Variants in SRBD1 observed in about 807,000 individuals in gnomAD.
SRBD1 encodes S1 RNA-binding domain-containing protein 1.
Under a neutral mutation model 115.3 loss-of-function variants are expected in SRBD1, and 88 were observed. The ratio of observed to expected loss-of-function variants is 0.76; its 90% confidence interval spans 0.64 to 0.91. The LOEUF is 0.91. SRBD1 is among the 40% of genes least tolerant of loss of function. SRBD1 has a pLI of 0.00. For synonymous variants in SRBD1, 509 were observed against 407.7 expected (o/e 1.25, Z -2.99); for missense variants, 1,385 against 1,177.4 (o/e 1.18, Z -2.58).
chr2:45,410,423 C>T (rs1439102539), intron 19 of SRBD1, among the ~76,000 whole-genome samples: 1 of 152,182 alleles, frequency 6.6e-6, no homozygotes, highest in South Asian at 2.1e-4. Flanking sequence ...AACAAAAAAA[C>T]TGCGCAAGAA....
rs746207707 is a variant in SRBD1, at chr2:45,488,290, G to C, written c.1916C>G (p.Pro639Arg). 6 of 1,613,742 alleles carry C rather than the reference G, an allele frequency of 3.7e-6. No homozygotes were observed. The African/African-American group carries it at 8.0e-5, about 22-fold the overall frequency. Residue 639 changes from proline (P) to arginine (R), a missense_variant, in exon 15 of 21, where the codon CCT (proline) becomes CGT (arginine). Physicochemically the swap from Pro to Arg is moderately radical, Grantham distance 103. Transcript: ENST00000263736. The stretch of plus-strand genomic sequence containing the variant: ...CCCTGGCATCTCTTTGTTAGCTTCA[G>C]GGCTGACACTGTAGATTGATGCTCC... ...EAGASIYSVS[P>R]EANKEMPGLD... is the part of the protein sequence containing the mutation.
At chr2:45,423,159 A>G (rs928215913) in intron 16 of SRBD1, among the ~76,000 whole-genome samples, 6 of 152,216 alleles carry the variant, frequency 3.9e-5, no homozygotes, top group African/African-American at 1.4e-4. Flanking sequence ...ATTCTTGTAG[A>G]TGACAGTGTT....
chr2:45,429,404 TG>T (rs1435913373), intron 16 of SRBD1, among the ~76,000 whole-genome samples: 1 of 151,996 alleles, frequency 6.6e-6, no homozygotes, highest in African/African-American at 2.4e-5. Context: ...AATAAAATAC[TG>T]GCAAACTGAT....
At chr2:45,591,111 G>A (rs1290083201) in intron 4 of SRBD1, among the ~76,000 whole-genome samples, 1 of 152,090 alleles carries the variant, frequency 6.6e-6, no homozygotes, top group Non-Finnish European at 1.5e-5. Context: ...TCATGCAGCT[G>A]GAGGCTTCAG....
chr2:45,549,123 A>G (rs1188959284), intron 12 of SRBD1: 1 of 152,224 alleles, frequency 6.6e-6, no homozygotes, highest in Non-Finnish European at 1.5e-5. Context: ...CTAACTAGTA[A>G]AAGATACCTT....
intron 14 of SRBD1, among the ~76,000 whole-genome samples, chr2:45,500,252 T>G (rs199809017): frequency 2.7e-5 from 3 of 113,020 alleles, no homozygotes; most frequent in Non-Finnish European, 6.2e-5. Context: ...GTGTGTGTGT[T>G]TGGTTAAATT....
intron 16 of SRBD1, among the ~76,000 whole-genome samples, chr2:45,423,740 A>T (rs1668073520): frequency 6.6e-6 from 1 of 152,160 alleles, no homozygotes; most frequent in Non-Finnish European, 1.5e-5. Flanking sequence ...CCTCAAGAAG[A>T]AAGAAACCTA....
At chr2:45,591,596 G>A (rs892481379) in intron 4 of SRBD1, among the ~76,000 whole-genome samples, 10 of 152,114 alleles carry the variant, frequency 6.6e-5, no homozygotes, top group Non-Finnish European at 1.3e-4. Context: ...ATGGAAAGGT[G>A]GATGAGGCTA....
chr2:45,552,056 A>G (rs922357629), intron 11 of SRBD1, among the ~76,000 whole-genome samples: 2 of 152,220 alleles, frequency 1.3e-5, no homozygotes, highest in African/African-American at 4.8e-5. Flanking sequence ...AATAGATAGC[A>G]CTTTGTAACT....
intron 14 of SRBD1, among the ~76,000 whole-genome samples, chr2:45,500,915 G>A (rs950717925): frequency 6.6e-6 from 1 of 152,150 alleles, no homozygotes; most frequent in Admixed American, 6.5e-5. Flanking sequence ...CTCTGGCTAG[G>A]TCTATGTTGG....
intron 16 of SRBD1, among the ~76,000 whole-genome samples, chr2:45,441,212 C>T (rs1232093771): frequency 3.9e-5 from 6 of 152,154 alleles, no homozygotes; most frequent in Non-Finnish European, 7.4e-5. Context: ...GGTTTCCTTT[C>T]GCTTCCATGT....
At chr2:45,413,083 T>C in intron 19 of SRBD1, 31 bp downstream of exon 19, 1 of 1,595,656 alleles carries the variant, frequency 6.3e-7, no homozygotes, top group Non-Finnish European at 8.5e-7. Flanking sequence ...ACTCTGCATA[T>C]GGAGAATTCC....
chr2:45,406,277 G>C (rs1667434552), intron 19 of SRBD1, among the ~76,000 whole-genome samples: 1 of 152,076 alleles, frequency 6.6e-6, no homozygotes, highest in Non-Finnish European at 1.5e-5. Flanking sequence ...TAAAAATACA[G>C]AGACAATCTG....
rs557440043 is a variant in SRBD1, at chr2:45,599,927, G to A, written c.262-92C>T. 5.7e-5 allele frequency: 78 copies of A among 1,357,424 alleles called. No homozygotes were observed. The African/African-American group carries it at 1.1e-3, about 19-fold the overall frequency. The allele number at this position is 1,357,424 out of a possible 1,614,324, so 84.1% of individuals were successfully genotyped here. A position where few individuals can be genotyped will look rare whatever the true frequency, so the allele number is the denominator to read the frequency against. On this transcript the variant is annotated intron_variant, in intron 3 of 20. Coordinates refer to ENST00000263736, the MANE Select transcript of SRBD1 (RefSeq NM_018079.5). ...CACAAATAAAAGTGAACAAATTATTGATACACACAATAACTTGGAAGAATC... is the reference window on the plus strand; with the variant it reads ...CACAAATAAAAGTGAACAAATTATTAATACACACAATAACTTGGAAGAATC...
intron 6 of SRBD1, 40 bp downstream of exon 6, chr2:45,581,653 T>C (rs1403113854): frequency 6.0e-6 from 9 of 1,489,762 alleles, no homozygotes; most frequent in Non-Finnish European, 7.4e-6. Context: ...AATTGCAATA[T>C]ATTCAGGTAT....
chr2:45,542,538 C>A (rs1405791891), intron 14 of SRBD1, among the ~76,000 whole-genome samples: 1 of 152,246 alleles, frequency 6.6e-6, no homozygotes, highest in Admixed American at 6.5e-5. Flanking sequence ...GTCTTCCCAG[C>A]AGCTGCTCCA....
chr2:45,467,894 G>C (rs1313544996), intron 16 of SRBD1, among the ~76,000 whole-genome samples: 1 of 152,126 alleles, frequency 6.6e-6, no homozygotes, highest in Non-Finnish European at 1.5e-5. Context: ...AAGTTCCCGA[G>C]TTAAAGCATC....
In SRBD1 at chr2:45,546,394, T is replaced by C. The variant is rs547502647; in HGVS notation, c.1874+338A>G. 14 of 951,550 alleles carry C rather than the reference T, an allele frequency of 1.5e-5. 1 individual carries two copies. The South Asian group carries it at 5.9e-4, about 40-fold the overall frequency. 58.9% of individuals were successfully genotyped at this position (951,550 alleles called of 1,614,324 possible). A position where few individuals can be genotyped will look rare whatever the true frequency, so the allele number is the denominator to read the frequency against. Reference sequence around the variant, plus strand: ...GAAAAAGGCTAAGTTATTCACAGTCTACTAGCTGCTAGCCTGGTACATCAT... The same window carrying C: ...GAAAAAGGCTAAGTTATTCACAGTCCACTAGCTGCTAGCCTGGTACATCAT... On this transcript the variant is annotated intron_variant, in intron 14 of 20. Transcript: ENST00000263736.
intron 14 of SRBD1, among the ~76,000 whole-genome samples, chr2:45,539,228 A>C (rs1177522044): frequency 6.6e-6 from 1 of 151,988 alleles, no homozygotes; most frequent in Non-Finnish European, 1.5e-5. Flanking sequence ...GCAAGAAAGA[A>C]ATTTTTTTGC....
Sources: allele counts gnomAD v4.1 joint callset (sites outside exome capture counted in the v4.1 genomes callset), GRCh38; gene constraint gnomAD v4.1.1; transcripts MANE v1.5; gene names NCBI Gene and HGNC (gene_info 2026-07-23, HGNC 2026-07-21).